The following SYNJ2 variants were observed in gnomAD, a reference collection of about 807,000 sequenced individuals.
SYNJ2 encodes the protein polyphosphatidylinositol phosphatase SYNJ2.
Under a neutral mutation model 141.3 loss-of-function variants are expected in SYNJ2, and 116 were observed. The observed-to-expected ratio is 0.82, with a 90% CI of 0.71 to 0.96. The LOEUF is 0.96. SYNJ2 is among the 40% of genes least tolerant of loss of function. The pLI, the probability that SYNJ2 is intolerant of heterozygous loss-of-function variation, is 0.00. For synonymous variants in SYNJ2, 745 were observed against 777.7 expected, an observed-to-expected ratio of 0.96 and a Z score of 0.70; for missense variants, 1,873 against 1,934.8, an observed-to-expected ratio of 0.97 and a Z score of 0.60.
rs1429616223 is a variant in SYNJ2, at chr6:158,071,546, C to T, written c.1941-56C>T. On this transcript the variant is annotated intron_variant, in intron 14 of 26. Transcript: ENST00000355585. This position sits in a 1 kb window ranked among gnomAD's most constrained non-coding sequence, Gnocchi z 4.3. ...TGCTGGGCCCTTCTCTGTGGCAAAG[C>T]AGGGTCACACTTCTCCTTCAGGAGC... The T allele has an allele frequency of 6.4e-7, 1 of 1,562,570 alleles. No individual in the cohort carries two copies. Among genetic ancestry groups the T allele is most frequent in the Non-Finnish European group, 8.7e-7 (1 of 1,153,570 alleles).
In SYNJ2 at chr6:158,083,506, A is replaced by G; in HGVS notation, c.2943A>G (p.Lys981=). 1 of 1,614,138 alleles carries G rather than the reference A, an allele frequency of 6.2e-7. No individual in the cohort carries two copies. ...GTTTGCGAGAGGAGATCATTCGGAA[A>G]CGAGACAGCATGGCCCCCGTGTCTC... ...LKGLREEIIR[K]RDSMAPVSPT... is the part of the protein sequence containing the mutation. The change falls in exon 21 of 27, where the codon AAA becomes AAG. Residue 981 remains lysine (K), a synonymous_variant. Coordinates refer to ENST00000355585, the MANE Select transcript of SYNJ2 (RefSeq NM_003898.4).
intron 6 of SYNJ2, among the ~76,000 whole-genome samples, chr6:158,057,731 C>A (rs1780955134): frequency 1.3e-5 from 2 of 152,364 alleles, no homozygotes; most frequent in Admixed American, 1.3e-4. Context: ...TTCCGATGAG[C>A]CACATTGTGG....
rs150206814 is a variant in SYNJ2, at chr6:158,074,706, G to A, written c.2260G>A (p.Asp754Asn). 6.2e-7 allele frequency: 1 copy of A among 1,613,300 alleles called. No individual in the cohort carries two copies. Among genetic ancestry groups the A allele is most frequent in the African/African-American group, 1.3e-5 (1 of 74,918 alleles). ...RQDWKKLLEF[D>N]QLQLQKSSGK... ...AGACTGGAAGAAACTTCTGGAATTT[G>A]ATCAACTACAGCTACAGAAATCAAG... Residue 754 changes from aspartate (D) to asparagine (N), a missense_variant, in exon 16 of 27, where the codon GAT becomes AAT. Transcript: ENST00000355585.
chr6:158,076,641 C>A lies in SYNJ2; in HGVS notation c.2308C>A (p.His770Asn). Reference sequence around the variant, plus strand: ...CTCCCAATAGATTTTTAAGGACTTTCACGAAGGAGCCATTAACTTTGGACC... The same window carrying A: ...CTCCCAATAGATTTTTAAGGACTTTAACGAAGGAGCCATTAACTTTGGACC... ...KSSGKIFKDF[H>N]EGAINFGPTY... Residue 770 changes from histidine (H) to asparagine (N), a missense_variant, in exon 17 of 27, where the codon CAC becomes AAC. His to Asn is a moderately conservative substitution (Grantham distance 68). Coordinates refer to ENST00000355585, the MANE Select transcript of SYNJ2 (RefSeq NM_003898.4). 6.2e-7 allele frequency: 1 copy of A among 1,613,246 alleles called. No homozygotes were observed. The highest frequency in any genetic ancestry group is 8.5e-7 in the Non-Finnish European group (1 of 1,179,574).
chr6:157,981,608 C>A (rs1161952569), upstream of SYNJ2, among the ~76,000 whole-genome samples: 1 of 151,968 alleles, frequency 6.6e-6, no homozygotes, highest in Non-Finnish European at 1.5e-5. This position sits in a 1 kb window ranked among gnomAD's most constrained non-coding sequence, Gnocchi z 6.4. Context: ...GGTCGCCCCG[C>A]GCGGGGCATC....
At position 158,017,257 on chromosome 6, in the gene SYNJ2, T is replaced by A. The variant is rs368702906; in HGVS notation, c.181T>A (p.Tyr61Asn). ...ACAGTATGGCAAGCTCACGGACGCG[T>A]ACGGCTGCCTGGGGGAGCTGAGGCT... is the stretch of plus-strand genomic sequence containing the variant. ...KGQYGKLTDAYGCLGELRLKS... is the reference protein window; with the variant it reads ...KGQYGKLTDANGCLGELRLKS... The change falls in exon 2 of 27, where the codon TAC becomes AAC. Residue 61 changes from tyrosine to asparagine, a missense_variant. Transcript: ENST00000355585. 1.7e-5 allele frequency: 28 copies of A among 1,613,034 alleles called. No homozygotes were observed. The highest frequency in any genetic ancestry group is 2.4e-5 in the Non-Finnish European group (28 of 1,179,920).
intron 18 of SYNJ2, among the ~76,000 whole-genome samples, chr6:158,080,801 T>C (rs1782629212): frequency 6.6e-6 from 1 of 152,220 alleles, no homozygotes; most frequent in African/African-American, 2.4e-5. Flanking sequence ...GGGATACATC[T>C]TTAAGGTGCC....
intron 1 of SYNJ2, among the ~76,000 whole-genome samples, chr6:157,998,658 G>A (rs1372611732): frequency 3.9e-5 from 6 of 152,156 alleles, no homozygotes; most frequent in Non-Finnish European, 8.8e-5. Context: ...CAAAGTATTA[G>A]AAAATATAGG....
At position 158,059,356 on chromosome 6, in the gene SYNJ2, A is replaced by C. The variant is rs775000480; in HGVS notation, c.954+3A>C. ...AGGTGCTCAACAGAGCCTTCAAGGT[A>C]AGGCCAGGCTGTCCTCTCCACAGCT... On this transcript the variant is annotated splice_donor_region_variant and intron_variant, in intron 7 of 26. Transcript: ENST00000355585. 40 of 1,549,662 alleles carry C rather than the reference A, an allele frequency of 2.6e-5. No individual in the cohort carries two copies. The highest frequency in any genetic ancestry group is 3.0e-5 in the Non-Finnish European group (34 of 1,146,580).
At chr6:157,996,784 T>C (rs1777647628) in intron 1 of SYNJ2, among the ~76,000 whole-genome samples, 2 of 152,208 alleles carry the variant, frequency 1.3e-5, no homozygotes, top group Non-Finnish European at 2.9e-5. Flanking sequence ...CTCTTGGTCC[T>C]GCTCCTGCCA....
At chr6:158,050,949 G>A (rs192885322) in intron 5 of SYNJ2, among the ~76,000 whole-genome samples, 166 of 152,088 alleles carry the variant, frequency 1.1e-3, no homozygotes, top group Admixed American at 2.9e-3. Flanking sequence ...ATGTTGACTC[G>A]GAGGGCGCTC....
intron 5 of SYNJ2, among the ~76,000 whole-genome samples, chr6:158,044,792 T>C (rs1780147882): frequency 6.6e-6 from 1 of 152,206 alleles, no homozygotes. Context: ...CCAACTCGAC[T>C]GTTCATCTAC....
intron 1 of SYNJ2, among the ~76,000 whole-genome samples, chr6:158,010,672 T>C (rs1230351706): frequency 6.6e-6 from 1 of 152,166 alleles, no homozygotes; most frequent in Admixed American, 6.5e-5. Flanking sequence ...TATTTGGAGA[T>C]AGGGTTGTTG....
rs369963190 is a variant in SYNJ2 at position 158,065,355 on chromosome 6, C to T, written c.1525+364C>T. Among the ~76,000 whole-genome samples the T allele has an allele frequency of 4.6e-5, 7 of 152,300 alleles. No individual in the cohort carries two copies. In the South Asian group the frequency reaches 1.4e-3, roughly 32 times the overall value. ...TTGGGCCCTTAGCAGGTGATGTTGG[C>T]TTTGGGAGCTTCCCATGAAGTTGGC... is the stretch of plus-strand genomic sequence containing the variant. On this transcript the variant is annotated intron_variant, in intron 11 of 26. Transcript: ENST00000355585.
chr6:158,070,523 G>A lies in SYNJ2; in HGVS notation c.1940+850G>A. The A allele has an allele frequency of 1.0e-6, 1 of 985,396 alleles. No homozygotes were observed. The highest frequency in any genetic ancestry group is 1.2e-6 in the Non-Finnish European group (1 of 829,890). 61.0% of individuals were successfully genotyped at this position (985,396 alleles called of 1,614,324 possible). A position where few individuals can be genotyped will look rare whatever the true frequency, so the allele number is the denominator to read the frequency against. On this transcript the variant is annotated intron_variant, in intron 14 of 26. Transcript: ENST00000355585. This position sits in a 1 kb window ranked among gnomAD's most constrained non-coding sequence, Gnocchi z 4.0. ...CAGGTGAAGGTTAGTAAAGGTTAAA[G>A]GCAAGGGCGGGGTGAGGGTGAGAGG...
At chr6:158,073,649 G>A (rs1311488721) in intron 15 of SYNJ2, among the ~76,000 whole-genome samples, 1 of 152,212 alleles carries the variant, frequency 6.6e-6, no homozygotes, top group African/African-American at 2.4e-5. Context: ...AGTGGCTCCT[G>A]CATCAGATGG....
chr6:158,017,483 C>T lies in SYNJ2; in HGVS notation c.214+193C>T, dbSNP rs978726931. On this transcript the variant is annotated intron_variant, in intron 2 of 26. Transcript: ENST00000355585. Reference sequence around the variant, plus strand: ...AGGCTGCAGTGCAATGGCGCGATCTCGGCTCACCACAACCTCTGCCTCCTG... The same window carrying T: ...AGGCTGCAGTGCAATGGCGCGATCTTGGCTCACCACAACCTCTGCCTCCTG... 19 of 728,278 alleles carry T rather than the reference C, an allele frequency of 2.6e-5. No individual in the cohort carries two copies. In the South Asian group the frequency reaches 3.3e-4, roughly 12 times the overall value. 45.1% of individuals were successfully genotyped at this position (728,278 alleles called of 1,614,324 possible).
intron 1 of SYNJ2, among the ~76,000 whole-genome samples, chr6:158,005,879 G>T (rs547433959): frequency 2.8e-4 from 42 of 152,230 alleles, no homozygotes; most frequent in Admixed American, 2.3e-3. Context: ...CGCCCACCAT[G>T]TCTGTCCCCC....
chr6:158,004,642 G>C (rs1777984262), intron 1 of SYNJ2, among the ~76,000 whole-genome samples: 1 of 152,144 alleles, frequency 6.6e-6, no homozygotes, highest in African/African-American at 2.4e-5. Flanking sequence ...TGCCTATAGA[G>C]TAGCCATTCT....
Sources: gnomAD v4.1 joint callset for allele counts (sites outside exome capture counted in the v4.1 genomes callset) on GRCh38, gnomAD v4.1.1 for gene constraint, Gnocchi (gnomAD v3.1) non-coding constraint, MANE v1.5 for transcripts, NCBI Gene and HGNC (gene_info 2026-07-23, HGNC 2026-07-21) for gene names.